CMIP: variants seen among roughly 807,000 people sequenced by gnomAD.
The protein encoded by CMIP is C-Maf-inducing protein.
Under a neutral mutation model 97.3 loss-of-function variants are expected in CMIP, and 13 were observed. The ratio of observed to expected loss-of-function variants is 0.13; its 90% CI spans 0.09 to 0.21. CMIP has a LOEUF of 0.21. CMIP is among the 10% of genes least tolerant of loss of function. CMIP has a pLI of 1.00. For missense variants in CMIP, 847 were observed against 1,024.9 expected, an observed-to-expected ratio of 0.83 and a Z score of 2.37; for synonymous variants, 538 against 436.3, an observed-to-expected ratio of 1.23 and a Z score of -2.91.
At position 81,599,064 on chromosome 16, in the gene CMIP, C is replaced by T. The variant is rs114126766; in HGVS notation, c.301-8503C>T. On this transcript the variant is annotated intron_variant, in intron 1 of 20. Transcript: ENST00000537098. ...GTGTCAGCAAAAAGAACTGGTCAGT[C>T]GGCGTCTGGAGAATGGTTGGAGAAA... 6.7e-3 allele frequency among the ~76,000 whole-genome samples: 1,012 copies of T among 151,170 alleles called. 11 individuals carry two copies. The highest frequency in any genetic ancestry group is 0.023 in the African/African-American group (952 of 41,090).
At chr16:81,563,323 C>A (rs534306848) in intron 1 of CMIP, among the ~76,000 whole-genome samples, 5 of 152,226 alleles carry the variant, frequency 3.3e-5, no homozygotes, top group African/African-American at 1.2e-4. Context: ...GTCCTGAGTT[C>A]AAATCCCAGC....
intron 9 of CMIP, among the ~76,000 whole-genome samples, chr16:81,675,806 G>A (rs561630260): frequency 6.6e-6 from 1 of 152,336 alleles, no homozygotes; most frequent in East Asian, 1.9e-4. Flanking sequence ...ACCTCCTGGT[G>A]CCTGGGACTC....
intron 10 of CMIP, among the ~76,000 whole-genome samples, chr16:81,687,853 G>A (rs1045435712): frequency 6.6e-6 from 1 of 152,170 alleles, no homozygotes; most frequent in African/African-American, 2.4e-5. Flanking sequence ...GGAAACTCCC[G>A]AAGCTATTGC....
chr16:81,691,212 G>A (rs1389243971), intron 10 of CMIP, among the ~76,000 whole-genome samples: 3 of 152,218 alleles, frequency 2.0e-5, no homozygotes, highest in African/African-American at 7.2e-5. Context: ...AAATCAAGGT[G>A]TGGGCAGGGC....
chr16:81,517,541 A>C (rs960620374), intron 1 of CMIP, among the ~76,000 whole-genome samples: 2 of 152,240 alleles, frequency 1.3e-5, no homozygotes, highest in Non-Finnish European at 2.9e-5. Context: ...AGTGGGCTTG[A>C]ATTCAGGTAA....
chr16:81,597,144 C>A (rs772412795), intron 1 of CMIP, among the ~76,000 whole-genome samples: 4 of 152,158 alleles, frequency 2.6e-5, no homozygotes, highest in Non-Finnish European at 5.9e-5. Context: ...AAATATGGGC[C>A]TTTCTGTGGA....
At chr16:81,605,997 C>A (rs7190477) in intron 1 of CMIP, among the ~76,000 whole-genome samples, 46,216 of 152,158 alleles carry the variant, frequency 0.3, 8,158 homozygotes, top group Non-Finnish European at 0.4. Flanking sequence ...CAGCCATCAA[C>A]CCTCTCTACC....
intron 3 of CMIP, among the ~76,000 whole-genome samples, chr16:81,646,475 T>G (rs1285784910): frequency 2.0e-5 from 3 of 152,182 alleles, no homozygotes; most frequent in Non-Finnish European, 4.4e-5. Context: ...TTTTAAAAAA[T>G]AGCATTATTG....
chr16:81,487,952 G>A (rs887186422), intron 1 of CMIP, among the ~76,000 whole-genome samples: 1 of 152,194 alleles, frequency 6.6e-6, no homozygotes, highest in Non-Finnish European at 1.5e-5. Flanking sequence ...ACTGCTCTCG[G>A]CTTCTGCTCT....
At chr16:81,556,551 G>A (rs369629952) in intron 1 of CMIP, among the ~76,000 whole-genome samples, 1 of 152,182 alleles carries the variant, frequency 6.6e-6, no homozygotes, top group East Asian at 1.9e-4. Flanking sequence ...ATGAGGCAGT[G>A]TCTCCAGAGA....
chr16:81,667,793 A>AGTGTGTGTGTGT, intron 7 of CMIP, among the ~76,000 whole-genome samples: 1 of 89,574 alleles, frequency 1.1e-5, no homozygotes, highest in Non-Finnish European at 2.2e-5. Flanking sequence ...AGAGAGAGAG[A>AGTGTGTGTGTGT]GAGAGAGTGT....
chr16:81,679,121 A>T (rs529696118), intron 10 of CMIP, among the ~76,000 whole-genome samples: 1 of 152,306 alleles, frequency 6.6e-6, no homozygotes, highest in Non-Finnish European at 1.5e-5. Context: ...TGGGATCCTT[A>T]GAGCTTGTGA....
intron 17 of CMIP, among the ~76,000 whole-genome samples, chr16:81,703,494 AACAC>A (rs148995084): frequency 1.4e-4 from 21 of 151,382 alleles, no homozygotes; most frequent in Admixed American, 4.6e-4. Flanking sequence ...GAGACACACC[AACAC>A]ACACACACAC....
intron 1 of CMIP, among the ~76,000 whole-genome samples, chr16:81,527,488 A>G (rs1024082326): frequency 2.0e-5 from 3 of 152,192 alleles, no homozygotes; most frequent in Non-Finnish European, 4.4e-5. Context: ...TCAAAAGTAC[A>G]CAACCAAATG....
intron 2 of CMIP, among the ~76,000 whole-genome samples, chr16:81,612,887 G>A (rs893975653): frequency 6.6e-6 from 1 of 152,090 alleles, no homozygotes; most frequent in Non-Finnish European, 1.5e-5. Context: ...AGTGACCCTC[G>A]GGGTTCCAGC....
intron 1 of CMIP, among the ~76,000 whole-genome samples, chr16:81,539,512 G>A (rs1356679128): frequency 6.6e-6 from 1 of 152,218 alleles, no homozygotes; most frequent in Non-Finnish European, 1.5e-5. Flanking sequence ...AATCCTTCAT[G>A]CTTCGCTGTT....
At chr16:81,709,642 G>T in intron 20 of CMIP, 104 bp from the exon 21 acceptor site, 2 of 1,291,676 alleles carry the variant, frequency 1.5e-6, no homozygotes, top group East Asian at 4.9e-5. Flanking sequence ...GGTGGGGAGA[G>T]GGTGGCAGAG....
chr16:81,551,191 A>G (rs1245879885), intron 1 of CMIP, among the ~76,000 whole-genome samples: 4 of 136,340 alleles, frequency 2.9e-5, no homozygotes, highest in Non-Finnish European at 6.2e-5. Flanking sequence ...TATCACACGT[A>G]CCCCAGTTCC....
At position 81,710,898 on chromosome 16, in the gene CMIP, A is replaced by AC. The variant is rs1473790569; in HGVS notation, c.*1103dup. The AC allele has an allele frequency of 1.3e-5, 2 of 150,438 alleles. No homozygotes were observed. Among genetic ancestry groups the AC allele is most frequent in the African/African-American group, 2.5e-5 (1 of 40,770 alleles). The allele number at this position is 150,438 out of a possible 1,614,324, so 9.3% of individuals were successfully genotyped here. A position where few individuals can be genotyped will look rare whatever the true frequency, so the allele number is the denominator to read the frequency against. ...CCCTGTCCCCAACGGAGACTCTGTCACCCCTGGGCTCCCCCTGCCATCGTG... is the reference window on the plus strand; with the variant it reads ...CCCTGTCCCCAACGGAGACTCTGTCACCCCCTGGGCTCCCCCTGCCATCGTG... On this transcript the variant is annotated 3_prime_UTR_variant, in exon 21 of 21. Transcript: ENST00000537098.
Sources: allele counts gnomAD v4.1 joint callset (sites outside exome capture counted in the v4.1 genomes callset), GRCh38; gene constraint gnomAD v4.1.1; transcripts MANE v1.5; gene names NCBI Gene and HGNC (gene_info 2026-07-23, HGNC 2026-07-21).